The following CWC27 variants were observed in gnomAD, a reference collection of about 807,000 sequenced individuals.
CWC27 encodes spliceosome-associated protein CWC27 homolog.
A neutral mutation model predicts 63.6 loss-of-function variants in CWC27; 47 were observed. The observed-to-expected ratio is 0.74, with a 90% CI of 0.58 to 0.94. The LOEUF (loss-of-function observed/expected upper bound fraction) is 0.94, where lower values mean the gene tolerates loss of function less well. Among genes scored for constraint, CWC27 ranks in the 40% least tolerant of loss-of-function variants. The probability of loss-of-function intolerance (pLI) is 0.00; values close to 1 mark genes in which losing one functional copy is unlikely to be tolerated. For missense variants in CWC27, 495 were observed against 554.3 expected, an observed-to-expected ratio of 0.89 and a Z score of 1.07; for synonymous variants, 175 against 179.8, an observed-to-expected ratio of 0.97 and a Z score of 0.22.
chr5:64,834,882 A>G (rs1180095907), intron 10 of CWC27, among the ~76,000 whole-genome samples: 1 of 151,758 alleles, frequency 6.6e-6, no homozygotes, highest in Admixed American at 6.6e-5. Context: ...CCTTGGATTC[A>G]GTTGTAGAAC....
chr5:64,874,483 T>C (rs1317274054), intron 10 of CWC27, among the ~76,000 whole-genome samples: 1 of 151,764 alleles, frequency 6.6e-6, no homozygotes, highest in Non-Finnish European at 1.5e-5. Context: ...TTTTGTTTGT[T>C]TTTTAGACAG....
intron 10 of CWC27, 75 bp from the exon 11 acceptor site, chr5:64,885,368 C>A: frequency 1.0e-6 from 1 of 955,392 alleles, no homozygotes; most frequent in South Asian, 1.7e-5. Flanking sequence ...TGTAGTATAC[C>A]AATGATTCTG....
At chr5:64,928,407 T>A (rs756323250) in intron 11 of CWC27, among the ~76,000 whole-genome samples, 1 of 152,222 alleles carries the variant, frequency 6.6e-6, no homozygotes, top group Non-Finnish European at 1.5e-5. Flanking sequence ...GTCAAAAAGT[T>A]TTCTTCTTCT....
intron 12 of CWC27, among the ~76,000 whole-genome samples, chr5:64,975,881 A>G (rs1222565541): frequency 2.0e-5 from 3 of 152,118 alleles, no homozygotes; most frequent in Non-Finnish European, 2.9e-5. Flanking sequence ...CCTGGCCAAT[A>G]TAATGAAACC....
chr5:64,796,026 T>TG (rs202236608), intron 7 of CWC27, among the ~76,000 whole-genome samples: 1,590 of 151,588 alleles, frequency 0.01, 25 homozygotes, highest in African/African-American at 0.036. Flanking sequence ...TGTGTGTGTG[T>TG]GTGTGTGTGT....
intron 12 of CWC27, among the ~76,000 whole-genome samples, chr5:64,973,476 A>G (rs1445100709): frequency 1.3e-5 from 2 of 152,244 alleles, no homozygotes; most frequent in East Asian, 3.8e-4. Context: ...GCTGTGCTGA[A>G]AGAGCATTCC....
intron 10 of CWC27, among the ~76,000 whole-genome samples, chr5:64,866,111 C>T (rs1042292553): frequency 3.9e-5 from 6 of 152,000 alleles, no homozygotes; most frequent in African/African-American, 1.2e-4. Context: ...TAATTAGAGG[C>T]TTGGTTTTCA....
At chr5:64,785,414 A>T (rs896913725) in intron 4 of CWC27, 67 bp from the exon 5 acceptor site, 2 of 706,636 alleles carry the variant, frequency 2.8e-6, no homozygotes, top group Admixed American at 3.1e-5. Context: ...ATGTTTTCAA[A>T]GGTTTTCTCT....
At chr5:64,985,571 T>C (rs915906143) in intron 13 of CWC27, among the ~76,000 whole-genome samples, 1 of 152,228 alleles carries the variant, frequency 6.6e-6, no homozygotes, top group Non-Finnish European at 1.5e-5. Flanking sequence ...TTGTTTGTCA[T>C]TGTTATACAG....
At position 64,828,495 on chromosome 5, in the gene CWC27, T is replaced by C. The variant is rs74642976; in HGVS notation, c.938+24109T>C. Among the ~76,000 whole-genome samples, 1,304 of 152,084 alleles carry C rather than the reference T, an allele frequency of 8.6e-3. 20 individuals are homozygous for C. Among genetic ancestry groups the C allele is most frequent in the African/African-American group, 0.03 (1,234 of 41,504 alleles). ...GATTCAGGCACTGGCAGATTTAATG[T>C]CTAGTGAGTGCTCACTTCCTTGTTC... On this transcript the variant is annotated intron_variant, in intron 10 of 13. Coordinates refer to ENST00000381070, the MANE Select transcript of CWC27 (RefSeq NM_005869.4).
intron 11 of CWC27, among the ~76,000 whole-genome samples, chr5:64,970,385 T>G (rs892773814): frequency 1.3e-5 from 2 of 151,842 alleles, no homozygotes; most frequent in African/African-American, 2.4e-5. Flanking sequence ...GCTAATTTTT[T>G]GTATTTTTAG....
At chr5:64,931,585 A>G (rs1334104474) in intron 11 of CWC27, among the ~76,000 whole-genome samples, 1 of 151,966 alleles carries the variant, frequency 6.6e-6, no homozygotes, top group Non-Finnish European at 1.5e-5. Flanking sequence ...TTTAAAGTAA[A>G]TCTAAACTTT....
At chr5:64,828,350 A>G (rs1745424087) in intron 10 of CWC27, among the ~76,000 whole-genome samples, 1 of 152,136 alleles carries the variant, frequency 6.6e-6, no homozygotes, top group Non-Finnish European at 1.5e-5. Flanking sequence ...AAAGAACCAT[A>G]TTAACTGTCT....
intron 7 of CWC27, 40 bp from the exon 8 acceptor site, chr5:64,800,208 T>C: frequency 7.5e-7 from 1 of 1,337,012 alleles, no homozygotes; most frequent in Non-Finnish European, 1.1e-6. Flanking sequence ...GGAATACTGT[T>C]TATTTCCCCC....
At chr5:64,834,599 G>A (rs1016424155) in intron 10 of CWC27, among the ~76,000 whole-genome samples, 4 of 151,802 alleles carry the variant, frequency 2.6e-5, no homozygotes, top group African/African-American at 7.2e-5. Context: ...AAAGTGGAGC[G>A]ATTTCCAAGC....
intron 10 of CWC27, among the ~76,000 whole-genome samples, chr5:64,817,453 A>G (rs1159510526): frequency 2.6e-5 from 4 of 152,176 alleles, no homozygotes; most frequent in Non-Finnish European, 4.4e-5. Context: ...CAGTAGGTTT[A>G]GTATATAATT....
chr5:64,863,139 G>A (rs1449947107), intron 10 of CWC27, among the ~76,000 whole-genome samples: 1 of 152,098 alleles, frequency 6.6e-6, no homozygotes, highest in East Asian at 1.9e-4. Flanking sequence ...TAGTTGTCCT[G>A]TATAGAATGA....
chr5:64,905,792 T>G (rs545837020), intron 11 of CWC27, among the ~76,000 whole-genome samples: 3 of 152,270 alleles, frequency 2.0e-5, no homozygotes, highest in African/African-American at 7.2e-5. Context: ...ACTTGTCATT[T>G]ATGTTAGATA....
At chr5:64,976,709 C>A (rs886208348) in intron 12 of CWC27, among the ~76,000 whole-genome samples, 2 of 151,788 alleles carry the variant, frequency 1.3e-5, no homozygotes, top group African/African-American at 4.8e-5. Flanking sequence ...TTTTTCTTTT[C>A]TTTTTGTAGT....
Sources: gnomAD v4.1 joint callset for allele counts (sites outside exome capture counted in the v4.1 genomes callset) on GRCh38, gnomAD v4.1.1 for gene constraint, MANE v1.5 for transcripts, NCBI Gene and HGNC (gene_info 2026-07-23, HGNC 2026-07-21) for gene names.